NFE2L3: variants seen among roughly 807,000 people sequenced by gnomAD.
NFE2L3 encodes the protein nuclear factor erythroid 2-related factor 3.
NFE2L3 carries 18 observed loss-of-function variants against 23.5 expected under a neutral mutation model. The observed-to-expected ratio is 0.77, with a 90% CI of 0.53 to 1.13. The LOEUF is 1.13. NFE2L3 is among the 50% of genes most tolerant of loss of function. The pLI is 0.00. For synonymous variants in NFE2L3, 424 were observed against 354.5 expected, an observed-to-expected ratio of 1.20 and a Z score of -2.20; for missense variants, 1,152 against 877.2, an observed-to-expected ratio of 1.31 and a Z score of -3.96.
chr7:26,169,045 A>C lies in NFE2L3; in HGVS notation c.571-8898A>C, dbSNP rs531839345. 5.3e-5 allele frequency among the ~76,000 whole-genome samples: 8 copies of C among 152,328 alleles called. 1 individual carries two copies. In the East Asian group the frequency reaches 1.5e-3, roughly 29 times the overall value. ...CACTAGGCTGTTTTGGGCTTTGCAG[A>C]CTGCACATTATATTACACTTGATTC... On this transcript the variant is annotated intron_variant, in intron 1 of 3. Coordinates refer to ENST00000056233, the MANE Select transcript of NFE2L3 (RefSeq NM_004289.7).
At chr7:26,171,092 G>A (rs1356655923) in intron 1 of NFE2L3, among the ~76,000 whole-genome samples, 3 of 152,098 alleles carry the variant, frequency 2.0e-5, no homozygotes, top group Non-Finnish European at 4.4e-5. Flanking sequence ...TTTTTTGAAG[G>A]GCTTTTCAGT....
At position 26,182,898 on chromosome 7, in the gene NFE2L3, GTCC is replaced by G. The variant is rs1222542494; in HGVS notation, c.751-798_751-796del. 3.9e-5 allele frequency among the ~76,000 whole-genome samples: 6 copies of G among 152,318 alleles called. No homozygotes were observed. The South Asian group carries it at 1.0e-3, about 26-fold the overall frequency. ...AGCCTCAACCTCCTGGACTCAGGCAGTCCTCCTGCCTCACCATCCCGGAGTAGC... is the reference window on the plus strand; with the variant it reads ...AGCCTCAACCTCCTGGACTCAGGCAGTCCTGCCTCACCATCCCGGAGTAGC... On this transcript the variant is annotated intron_variant, in intron 2 of 3. Transcript: ENST00000056233.
In NFE2L3 at chr7:26,186,830, A is replaced by ATAAT. The variant is rs1486291746; in HGVS notation, c.*1048_*1051dup. 1 of 152,238 alleles carries ATAAT rather than the reference A, an allele frequency of 6.6e-6. No individual in the cohort carries two copies. Among genetic ancestry groups the ATAAT allele is most frequent in the Non-Finnish European group, 1.5e-5 (1 of 68,044 alleles). 9.4% of individuals were successfully genotyped at this position (152,238 alleles called of 1,614,324 possible). On this transcript the variant is annotated 3_prime_UTR_variant, in exon 4 of 4. Coordinates refer to ENST00000056233, the MANE Select transcript of NFE2L3 (RefSeq NM_004289.7). ...AACCAGGGTAAGGTAAATTCTAGAA[A>ATAAT]TAATAGCATTTGAAATGAAAACCTC...
At position 26,185,571 on chromosome 7, in the gene NFE2L3, G is replaced by C. The variant is rs770713206; in HGVS notation, c.1873G>C (p.Ala625Pro). Reference sequence around the variant, plus strand: ...GAAGGAAACTCTTAAGAGAGAGCAAGCACAATGTAACAAAGCTATTAACAT... The same window carrying C: ...GAAGGAAACTCTTAAGAGAGAGCAACCACAATGTAACAAAGCTATTAACAT... ...AKKETLKREQAQCNKAINIMK... is the reference protein window; with the variant it reads ...AKKETLKREQPQCNKAINIMK... The change falls in exon 4 of 4, where the codon GCA becomes CCA. Residue 625 changes from alanine (A) to proline (P), a missense_variant. Transcript: ENST00000056233. The C allele has an allele frequency of 1.9e-6, 3 of 1,613,760 alleles. No individual in the cohort carries two copies. The highest frequency in any genetic ancestry group is 1.1e-5 in the South Asian group (1 of 91,048).
intron 2 of NFE2L3, among the ~76,000 whole-genome samples, chr7:26,182,271 G>A (rs1163959063): frequency 6.6e-6 from 1 of 151,626 alleles, no homozygotes; most frequent in African/African-American, 2.4e-5. Flanking sequence ...AGTACTGAGG[G>A]AAAACATTAA....
Position 26,172,111 on chromosome 7 carries a change from AAT to A in NFE2L3, c.571-5831_571-5830del, listed in dbSNP as rs529119591. On this transcript the variant is annotated intron_variant, in intron 1 of 3. Transcript: ENST00000056233. ...ATAAGAAAATGAAATAAGAAATTTA[AAT>A]GTTAGAAGAGTTGAAAATATTAAAG... Among the ~76,000 whole-genome samples, 8 of 152,376 alleles carry A rather than the reference AAT, an allele frequency of 5.3e-5. No individual in the cohort carries two copies. In the South Asian group the frequency reaches 1.7e-3, roughly 32 times the overall value.
chr7:26,158,720 G>A (rs1438653625), intron 1 of NFE2L3, among the ~76,000 whole-genome samples: 1 of 152,202 alleles, frequency 6.6e-6, no homozygotes, highest in African/African-American at 2.4e-5. Context: ...AACCCACACA[G>A]TGGGAAATGA....
intron 3 of NFE2L3, 197 bp downstream of exon 3, chr7:26,183,981 A>G (rs1271756266): frequency 1.9e-6 from 1 of 533,710 alleles, no homozygotes; most frequent in Non-Finnish European, 3.3e-6. Context: ...AATCAAATTT[A>G]GACTAGTCAT....
intron 1 of NFE2L3, among the ~76,000 whole-genome samples, chr7:26,167,110 C>T (rs988411959): frequency 6.6e-6 from 1 of 152,184 alleles, no homozygotes; most frequent in African/African-American, 2.4e-5. Flanking sequence ...CCTTTCTTCC[C>T]CTTTCCACTA....
At chr7:26,178,916 A>G (rs958482793) in intron 2 of NFE2L3, among the ~76,000 whole-genome samples, 5 of 152,060 alleles carry the variant, frequency 3.3e-5, no homozygotes, top group African/African-American at 1.2e-4. Flanking sequence ...TCCCCTTCCC[A>G]GAATGTGGAG....
At chr7:26,155,382 C>T (rs1399101468) in intron 1 of NFE2L3, among the ~76,000 whole-genome samples, 1 of 152,114 alleles carries the variant, frequency 6.6e-6, no homozygotes, top group Non-Finnish European at 1.5e-5. Context: ...GCGGAGGTTG[C>T]AGTGAGCCGA....
rs920403383 is a variant in NFE2L3, at chr7:26,153,138, G to A, written c.570+70G>A. ...CCGGGAGCCCCCGAGGCTTGTGTCG[G>A]ATCTGAGCAGGGGCCACTCTCGCTG... is the stretch of plus-strand genomic sequence containing the variant. On this transcript the variant is annotated intron_variant, in intron 1 of 3. Transcript: ENST00000056233. 14 of 1,422,180 alleles carry A rather than the reference G, an allele frequency of 9.8e-6. No individual in the cohort carries two copies. In the African/African-American group the frequency reaches 1.5e-4, roughly 15 times the overall value. The allele number at this position is 1,422,180 out of a possible 1,614,324, so 88.1% of individuals were successfully genotyped here.
chr7:26,163,627 G>A (rs1159809562), intron 1 of NFE2L3, among the ~76,000 whole-genome samples: 2 of 152,152 alleles, frequency 1.3e-5, no homozygotes, highest in African/African-American at 4.8e-5. Flanking sequence ...GATTACAGGC[G>A]TGAGCTACCA....
At chr7:26,179,500 A>T (rs1248959675) in intron 2 of NFE2L3, among the ~76,000 whole-genome samples, 2 of 136,956 alleles carry the variant, frequency 1.5e-5, no homozygotes, top group African/African-American at 5.3e-5. Flanking sequence ...ACCCTGTCTC[A>T]AAAAAAAAAA....
At chr7:26,182,863 GA>G (rs1156698625) in intron 2 of NFE2L3, among the ~76,000 whole-genome samples, 5 of 152,092 alleles carry the variant, frequency 3.3e-5, no homozygotes, top group African/African-American at 1.2e-4. Flanking sequence ...GCGCTGTCAC[GA>G]CTCACTGCAG....
At chr7:26,178,240 T>C (rs1453703967) in intron 2 of NFE2L3, 118 bp downstream of exon 2, 4 of 784,548 alleles carry the variant, frequency 5.1e-6, no homozygotes, top group East Asian at 5.5e-5. Flanking sequence ...TTAACAAATA[T>C]GATATATGAA....
intron 3 of NFE2L3, 163 bp downstream of exon 3, chr7:26,183,947 C>CCTG: frequency 1.8e-6 from 1 of 558,212 alleles, no homozygotes. Flanking sequence ...TAGCATTCCT[C>CCTG]TTTCCAAATA....
intron 1 of NFE2L3, among the ~76,000 whole-genome samples, chr7:26,158,999 C>A (rs904237472): frequency 6.6e-6 from 1 of 152,234 alleles, no homozygotes; most frequent in Admixed American, 6.5e-5. Context: ...GCTTGTACCG[C>A]TTCTTCCCCA....
chr7:26,177,197 G>A (rs554565697), intron 1 of NFE2L3, among the ~76,000 whole-genome samples: 1 of 152,372 alleles, frequency 6.6e-6, no homozygotes, highest in South Asian at 2.1e-4. Context: ...TAGACAGGGT[G>A]GCGGCTGGGC....
Sources: allele counts gnomAD v4.1 joint callset (sites outside exome capture counted in the v4.1 genomes callset), GRCh38; gene constraint gnomAD v4.1.1; transcripts MANE v1.5; gene names NCBI Gene and HGNC (gene_info 2026-07-23, HGNC 2026-07-21).